The following NDUFAF2 variants were observed in gnomAD, a reference collection of about 807,000 sequenced individuals.
NDUFAF2 encodes the protein NADH dehydrogenase [ubiquinone] 1 alpha subcomplex assembly factor 2.
Under a neutral mutation model 22.8 loss-of-function variants are expected in NDUFAF2, and 13 were observed. That is an observed-to-expected ratio of 0.57 (90% CI 0.37 to 0.91). The LOEUF is 0.91. NDUFAF2 is among the 40% of genes least tolerant of loss of function. The pLI, the probability that NDUFAF2 is intolerant of heterozygous loss-of-function variation, is 0.01. For missense variants in NDUFAF2, 162 were observed against 195.2 expected, an observed-to-expected ratio of 0.83 and a Z score of 1.01; for synonymous variants, 53 against 64.2, an observed-to-expected ratio of 0.83 and a Z score of 0.84.
intron 1 of NDUFAF2, among the ~76,000 whole-genome samples, chr5:60,986,024 A>G (rs547150553): frequency 6.6e-6 from 1 of 152,264 alleles, no homozygotes; most frequent in Admixed American, 6.5e-5. Flanking sequence ...AAGAAAAGGG[A>G]CCCCATGTAC....
chr5:60,966,626 A>G (rs1189857396), intron 1 of NDUFAF2, among the ~76,000 whole-genome samples: 2 of 152,094 alleles, frequency 1.3e-5, no homozygotes, highest in African/African-American at 2.4e-5. Context: ...TCCTCTTCCC[A>G]TCTGTGTTCT....
chr5:60,967,367 T>C (rs1212994778), intron 1 of NDUFAF2, among the ~76,000 whole-genome samples: 3 of 152,056 alleles, frequency 2.0e-5, no homozygotes, highest in East Asian at 3.9e-4. Flanking sequence ...CTAGTATTTC[T>C]GGTACTATGT....
At chr5:61,028,252 A>AT (rs1031267633) in intron 1 of NDUFAF2, among the ~76,000 whole-genome samples, 1 of 151,910 alleles carries the variant, frequency 6.6e-6, no homozygotes, top group Non-Finnish European at 1.5e-5. Context: ...TAGCATGAAC[A>AT]TCCCCCCCAC....
chr5:61,075,685 A>G (rs1306152063), intron 2 of NDUFAF2, among the ~76,000 whole-genome samples: 1 of 152,220 alleles, frequency 6.6e-6, no homozygotes, highest in Non-Finnish European at 1.5e-5. Flanking sequence ...TAACTCTCCC[A>G]TGGGACATAT....
At chr5:60,980,114 T>C (rs1750957148) in intron 1 of NDUFAF2, among the ~76,000 whole-genome samples, 1 of 152,146 alleles carries the variant, frequency 6.6e-6, no homozygotes, top group African/African-American at 2.4e-5. Flanking sequence ...AATGCAGATA[T>C]TACCGCAATG....
At chr5:61,129,399 C>G (rs2111810486) in intron 3 of NDUFAF2, among the ~76,000 whole-genome samples, 1 of 152,164 alleles carries the variant, frequency 6.6e-6, no homozygotes, top group South Asian at 2.1e-4. Flanking sequence ...ACCCAAATGT[C>G]CAACAATGAT....
chr5:61,106,265 A>G (rs1561566597), intron 3 of NDUFAF2, among the ~76,000 whole-genome samples: 1 of 151,478 alleles, frequency 6.6e-6, no homozygotes, highest in South Asian at 2.1e-4. Flanking sequence ...GGACCTTTCT[A>G]GTAGACAAAT....
chr5:60,980,941 G>C (rs928631150), intron 1 of NDUFAF2, among the ~76,000 whole-genome samples: 2 of 152,084 alleles, frequency 1.3e-5, no homozygotes, highest in Non-Finnish European at 2.9e-5. Flanking sequence ...ACAAGATCTA[G>C]AATGTAGCCT....
At chr5:61,137,426 A>G (rs1002839232) in intron 3 of NDUFAF2, among the ~76,000 whole-genome samples, 21 of 152,252 alleles carry the variant, frequency 1.4e-4, no homozygotes, top group African/African-American at 5.1e-4. Flanking sequence ...ATACATAAAT[A>G]ATAAGGATTA....
At chr5:60,996,815 C>A (rs982938265) in intron 1 of NDUFAF2, among the ~76,000 whole-genome samples, 1 of 152,142 alleles carries the variant, frequency 6.6e-6, no homozygotes, top group African/African-American at 2.4e-5. Flanking sequence ...CAGAAAAGCA[C>A]TGAGTTCTGT....
chr5:61,015,598 T>G (rs564179082), intron 1 of NDUFAF2, among the ~76,000 whole-genome samples: 9 of 152,162 alleles, frequency 5.9e-5, no homozygotes, highest in African/African-American at 2.2e-4. Flanking sequence ...CTTATATTTC[T>G]GTATTTAATA....
At chr5:61,067,233 T>C (rs1461981128) in intron 1 of NDUFAF2, among the ~76,000 whole-genome samples, 1 of 152,096 alleles carries the variant, frequency 6.6e-6, no homozygotes, top group Non-Finnish European at 1.5e-5. Flanking sequence ...TATGTATACA[T>C]GTGCCATGAT....
At chr5:60,975,490 A>G (rs1298550089) in intron 1 of NDUFAF2, among the ~76,000 whole-genome samples, 1 of 152,164 alleles carries the variant, frequency 6.6e-6, no homozygotes, top group East Asian at 1.9e-4. Flanking sequence ...AGTTGGATAA[A>G]TGAGCCTGGA....
At position 61,085,561 on chromosome 5, in the gene NDUFAF2, A is replaced by G. The variant is rs531784896; in HGVS notation, c.217+12347A>G. On this transcript the variant is annotated intron_variant, in intron 2 of 3. Coordinates refer to ENST00000296597, the MANE Select transcript of NDUFAF2 (RefSeq NM_174889.5). Reference sequence around the variant, plus strand: ...AAATTCTTGTCAATGCAATAAAGCAATAAAAATAAATGAAATGAATACAGA... The same window carrying G: ...AAATTCTTGTCAATGCAATAAAGCAGTAAAAATAAATGAAATGAATACAGA... Among the ~76,000 whole-genome samples the G allele has an allele frequency of 3.9e-5, 6 of 152,344 alleles. No homozygotes were observed. The South Asian group carries it at 1.2e-3, about 32-fold the overall frequency.
intron 1 of NDUFAF2, among the ~76,000 whole-genome samples, chr5:60,989,078 A>C (rs1751121314): frequency 6.6e-6 from 1 of 152,164 alleles, no homozygotes; most frequent in Non-Finnish European, 1.5e-5. Flanking sequence ...AAAATTAAAC[A>C]AATTTTATAA....
chr5:61,101,702 A>G (rs1752707315), intron 3 of NDUFAF2, among the ~76,000 whole-genome samples: 1 of 152,184 alleles, frequency 6.6e-6, no homozygotes, highest in Non-Finnish European at 1.5e-5. Flanking sequence ...AAGGTTAGCC[A>G]GCAGCCATTA....
chr5:61,001,902 G>A (rs1751301268), intron 1 of NDUFAF2, among the ~76,000 whole-genome samples: 1 of 152,036 alleles, frequency 6.6e-6, no homozygotes, highest in Non-Finnish European at 1.5e-5. Context: ...CTTCTTATTT[G>A]ACGTGCCCTC....
chr5:61,035,178 C>T (rs141728647), intron 1 of NDUFAF2, among the ~76,000 whole-genome samples: 1 of 151,498 alleles, frequency 6.6e-6, no homozygotes, highest in African/African-American at 2.4e-5. Flanking sequence ...GCGATTCTTT[C>T]ACCTCAGCCT....
At chr5:60,980,049 T>G (rs1031549035) in intron 1 of NDUFAF2, among the ~76,000 whole-genome samples, 1 of 152,196 alleles carries the variant, frequency 6.6e-6, no homozygotes, top group Admixed American at 6.5e-5. Context: ...ACCACCAACG[T>G]GTACCTCAAT....
Sources: gnomAD v4.1 joint callset for allele counts (sites outside exome capture counted in the v4.1 genomes callset) on GRCh38, gnomAD v4.1.1 for gene constraint, MANE v1.5 for transcripts, NCBI Gene and HGNC (gene_info 2026-07-23, HGNC 2026-07-21) for gene names.